Variants in GPI observed in about 807,000 individuals in gnomAD.
GPI encodes glucose-6-phosphate isomerase.
GPI carries 56 observed loss-of-function variants against 75.8 expected under a neutral mutation model. That is an observed-to-expected ratio of 0.74 (90% CI 0.60 to 0.92). The LOEUF is 0.92. Among genes scored for constraint, GPI ranks in the 40% least tolerant of loss-of-function variants. The pLI, the probability that GPI is intolerant of heterozygous loss-of-function variation, is 0.00. For synonymous variants in GPI, 288 were observed against 285.4 expected, an observed-to-expected ratio of 1.01 and a Z score of -0.09; for missense variants, 638 against 741.0, an observed-to-expected ratio of 0.86 and a Z score of 1.61.
chr19:34,389,083 C>T (rs1302621223), intron 9 of GPI, among the ~76,000 whole-genome samples: 2 of 151,884 alleles, frequency 1.3e-5, no homozygotes, highest in East Asian at 3.9e-4. Flanking sequence ...CAGAGCAAGA[C>T]CCTGTCTCTT....
At chr19:34,384,644 G>A (rs923597960) in intron 9 of GPI, among the ~76,000 whole-genome samples, 3 of 152,180 alleles carry the variant, frequency 2.0e-5, no homozygotes, top group African/African-American at 7.2e-5. Context: ...GATGACCTCT[G>A]AGGATATGAA....
At chr19:34,369,688 C>G (rs1340475420) in intron 4 of GPI, among the ~76,000 whole-genome samples, 1 of 144,312 alleles carries the variant, frequency 6.9e-6, no homozygotes. Flanking sequence ...GCCTGGGCGA[C>G]AGAGGGAGAC....
rs773159541 is a variant in GPI at position 34,368,659 on chromosome 19, C to T, written c.359C>T (p.Pro120Leu). The T allele has an allele frequency of 6.2e-7, 1 of 1,614,146 alleles. No individual in the cohort carries two copies. The highest frequency in any genetic ancestry group is 8.5e-7 in the Non-Finnish European group (1 of 1,179,996). ...PILVDGKDVM[P>L]EVNKVLDKMK... is the part of the protein sequence containing the mutation. The stretch of plus-strand genomic sequence containing the variant: ...CTGGTAGACGGCAAGGATGTGATGC[C>T]AGAGGTCAACAAGGTTCTGGACAAG... Residue 120 changes from proline to leucine, a missense_variant, in exon 4 of 18, where the codon CCA (proline) becomes CTA (leucine). Pro to Leu is a moderately conservative substitution (Grantham distance 98). Transcript: ENST00000356487.
intron 9 of GPI, among the ~76,000 whole-genome samples, chr19:34,384,752 A>G (rs2074707021): frequency 6.6e-6 from 1 of 152,200 alleles, no homozygotes; most frequent in African/African-American, 2.4e-5. Context: ...GTGTCAAGAC[A>G]GATGGGTAGG....
chr19:34,379,933 A>G (rs1169168599), intron 8 of GPI: 7 of 350,982 alleles, frequency 2.0e-5, no homozygotes, highest in African/African-American at 1.3e-4. Flanking sequence ...ACTTAAGGAC[A>G]TAAAGCCCCA....
chr19:34,377,452 G>A, intron 4 of GPI, 51 bp from the exon 5 acceptor site: 1 of 1,342,064 alleles, frequency 7.5e-7, no homozygotes, highest in Non-Finnish European at 1.1e-6. Context: ...TTTTTGAGCA[G>A]CGGATTATGC....
Position 34,393,799 on chromosome 19 carries a change from A to T in GPI, c.909+28A>T, listed in dbSNP as rs749937082. The T allele has an allele frequency of 6.2e-7, 1 of 1,611,810 alleles. No individual in the cohort carries two copies. The highest frequency in any genetic ancestry group is 1.3e-5 in the African/African-American group (1 of 74,830). On this transcript the variant is annotated intron_variant, in intron 11 of 17. Transcript: ENST00000356487. This position sits in a 1 kb window ranked among gnomAD's most constrained non-coding sequence, Gnocchi z 4.4. ...GAGTGCTGAGGCTGGTTCTCTGCCA[A>T]GTGCTGGCCAGAGGCGCGTGTGTTG...
chr19:34,377,996 C>A, intron 6 of GPI, 115 bp downstream of exon 6: 1 of 1,079,928 alleles, frequency 9.3e-7, no homozygotes, highest in Non-Finnish European at 1.4e-6. Context: ...CCGAGTGAAC[C>A]ATGGTTTGTG....
In GPI at chr19:34,401,826, T is replaced by A. The variant is rs963570202; in HGVS notation, c.*1790T>A. On this transcript the variant is annotated 3_prime_UTR_variant, in exon 18 of 18. Coordinates refer to ENST00000356487, the MANE Select transcript of GPI (RefSeq NM_000175.5). ...GCTCATTTAAAAAAAAATTTTTTTC[T>A]TTTTTGAGAGTCTTGCTTTGTTGCC... is the stretch of plus-strand genomic sequence containing the variant. 2 of 152,184 alleles carry A rather than the reference T, an allele frequency of 1.3e-5. No homozygotes were observed. The highest frequency in any genetic ancestry group is 4.8e-5 in the African/African-American group (2 of 41,440). 9.4% of individuals were successfully genotyped at this position (152,184 alleles called of 1,614,324 possible).
chr19:34,392,894 T>G, intron 9 of GPI: 1 of 364,858 alleles, frequency 2.7e-6, no homozygotes. Context: ...TCTGAGGAGG[T>G]GGGCCCTGGC....
chr19:34,379,220 A>G (rs2074601991), intron 7 of GPI, among the ~76,000 whole-genome samples: 1 of 152,240 alleles, frequency 6.6e-6, no homozygotes, highest in African/African-American at 2.4e-5. Flanking sequence ...GCTGGCTGAC[A>G]GCCCTTGCAT....
chr19:34,393,649 C>A lies in GPI; in HGVS notation c.866-79C>A. On this transcript the variant is annotated intron_variant, in intron 10 of 17. Coordinates refer to ENST00000356487, the MANE Select transcript of GPI (RefSeq NM_000175.5). The surrounding 1 kb of genome is among the most constrained non-coding windows in gnomAD (Gnocchi z 4.4). ...TCTGGCTCTCCATGCAGCCTTCCTT[C>A]GTTGCAGAAGGAGCTGTGCCCACTG... is the stretch of plus-strand genomic sequence containing the variant. The A allele has an allele frequency of 1.5e-6, 2 of 1,377,802 alleles. No homozygotes were observed. The highest frequency in any genetic ancestry group is 1.2e-5 in the South Asian group (1 of 86,398). 85.3% of individuals were successfully genotyped at this position (1,377,802 alleles called of 1,614,324 possible). A position where few individuals can be genotyped will look rare whatever the true frequency, so the allele number is the denominator to read the frequency against.
chr19:34,361,815 T>C (rs1015136085), upstream of GPI, among the ~76,000 whole-genome samples: 1 of 151,712 alleles, frequency 6.6e-6, no homozygotes, highest in Non-Finnish European at 1.5e-5. Context: ...ACCCCATCTC[T>C]ACTAAAAATA....
Position 34,369,827 on chromosome 19 carries a change from AG to A in GPI, c.402+1127del, listed in dbSNP as rs531342038. 1.9e-3 allele frequency among the ~76,000 whole-genome samples: 296 copies of A among 152,186 alleles called. 1 individual carries two copies. Among genetic ancestry groups the A allele is most frequent in the Non-Finnish European group, 1.6e-3 (112 of 68,002 alleles). ...CTATTCCCAACTATTCAGGAGGCTG[AG>A]GTGGGAGGATGGCTTGAGCCTGGGA... On this transcript the variant is annotated intron_variant, in intron 4 of 17. Coordinates refer to ENST00000356487, the MANE Select transcript of GPI (RefSeq NM_000175.5).
rs2074566438 is a variant in GPI at position 34,377,552 on chromosome 19, A to G, written c.452A>G (p.Asp151Gly). The change falls in exon 5 of 18, where the codon GAC (aspartate) becomes GGC (glycine). Residue 151 changes from aspartate (D) to glycine (G), a missense_variant. Transcript: ENST00000356487. ...GGGTACACAGGCAAGACCATCACGG[A>G]CGTCATCAACATTGGCATTGGCGGC... ...WKGYTGKTITDVINIGIGGSD... is the reference protein window; with the variant it reads ...WKGYTGKTITGVINIGIGGSD... 1.2e-6 allele frequency: 2 copies of G among 1,613,168 alleles called. No homozygotes were observed. The highest frequency in any genetic ancestry group is 1.7e-6 in the Non-Finnish European group (2 of 1,179,748).
At chr19:34,368,329 C>T (rs2074396875) in intron 3 of GPI, among the ~76,000 whole-genome samples, 1 of 152,238 alleles carries the variant, frequency 6.6e-6, no homozygotes, top group African/African-American at 2.4e-5. Flanking sequence ...CTCTGGCAGG[C>T]CTTCGGGGCC....
At chr19:34,372,722 C>T (rs1478076253) in intron 4 of GPI, among the ~76,000 whole-genome samples, 1 of 152,204 alleles carries the variant, frequency 6.6e-6, no homozygotes. Flanking sequence ...AATCGGATCA[C>T]TGCAGGCCAG....
chr19:34,378,030 A>G (rs1340956609), intron 6 of GPI, 149 bp downstream of exon 6: 2 of 783,932 alleles, frequency 2.6e-6, no homozygotes, highest in Non-Finnish European at 4.4e-6. Flanking sequence ...CAGCTGCCCT[A>G]GACTGTTTCC....
At chr19:34,371,078 C>T (rs778207965) in intron 4 of GPI, among the ~76,000 whole-genome samples, 3 of 152,252 alleles carry the variant, frequency 2.0e-5, no homozygotes, top group Non-Finnish European at 4.4e-5. Flanking sequence ...GCTGTGTGAT[C>T]AGTCTGGGTG....
Sources: allele counts gnomAD v4.1 joint callset (sites outside exome capture counted in the v4.1 genomes callset), GRCh38; gene constraint gnomAD v4.1.1; non-coding constraint Gnocchi (gnomAD v3.1); transcripts MANE v1.5; gene names NCBI Gene and HGNC (gene_info 2026-07-23, HGNC 2026-07-21).